SPAG16: variants seen among roughly 807,000 people sequenced by gnomAD.
The protein encoded by SPAG16 is sperm-associated antigen 16 protein.
In SPAG16, 86 loss-of-function variants were observed where a neutral mutation model predicts 80.4. That is an observed-to-expected ratio of 1.07 (90% confidence interval 0.90 to 1.28). The LOEUF (loss-of-function observed/expected upper bound fraction) is 1.28, where lower values mean the gene tolerates loss of function less well. Among genes scored for constraint, SPAG16 ranks in the 50% most tolerant of loss-of-function variants. The pLI is 0.00. For synonymous variants in SPAG16, 294 were observed against 265.9 expected (o/e 1.11, Z -1.03); for missense variants, 870 against 765.3 (o/e 1.14, Z -1.61).
chr2:214,341,806 CTTAA>C (rs1697718548), intron 15 of SPAG16, among the ~76,000 whole-genome samples: 1 of 152,128 alleles, frequency 6.6e-6, no homozygotes, highest in African/African-American at 2.4e-5. Context: ...AGAACTTCCT[CTTAA>C]TTAAACAGGA....
intron 15 of SPAG16, among the ~76,000 whole-genome samples, chr2:214,351,479 A>G (rs1698400603): frequency 6.6e-6 from 1 of 152,028 alleles, no homozygotes; most frequent in Non-Finnish European, 1.5e-5. Context: ...AGGTGGGTGG[A>G]TCACGAGGTC....
intron 9 of SPAG16, among the ~76,000 whole-genome samples, chr2:213,398,020 T>C (rs1311170070): frequency 6.6e-6 from 1 of 152,164 alleles, no homozygotes; most frequent in Admixed American, 6.5e-5. Flanking sequence ...ACACTTTAGT[T>C]ACTTAGCCAA....
At chr2:214,183,548 G>T (rs1434030443) in intron 15 of SPAG16, among the ~76,000 whole-genome samples, 1 of 151,954 alleles carries the variant, frequency 6.6e-6, no homozygotes, top group Non-Finnish European at 1.5e-5. Context: ...CTTCAATAAA[G>T]AAAGCAGAAG....
At chr2:213,781,421 T>TC (rs962325892) in intron 10 of SPAG16, among the ~76,000 whole-genome samples, 6 of 152,050 alleles carry the variant, frequency 3.9e-5, no homozygotes, top group Non-Finnish European at 5.9e-5. Context: ...CCTCTCCTAA[T>TC]CCCCCCCAGG....
chr2:214,185,808 C>CT (rs2057449359), intron 15 of SPAG16, among the ~76,000 whole-genome samples: 1 of 152,098 alleles, frequency 6.6e-6, no homozygotes, highest in African/African-American at 2.4e-5. Flanking sequence ...GACCTGACCA[C>CT]TATATCCAAA....
intron 7 of SPAG16, among the ~76,000 whole-genome samples, chr2:213,357,137 G>C (rs1338438710): frequency 2.0e-5 from 3 of 151,854 alleles, no homozygotes; most frequent in African/African-American, 7.2e-5. Flanking sequence ...GTTGTGATTT[G>C]TATTCTTTTA....
At position 213,550,708 on chromosome 2, in the gene SPAG16, T is replaced by C. The variant is rs116312121; in HGVS notation, c.1070+60618T>C. 1.6e-3 allele frequency among the ~76,000 whole-genome samples: 236 copies of C among 152,248 alleles called. 1 individual carries two copies. Among genetic ancestry groups the C allele is most frequent in the African/African-American group, 5.4e-3 (224 of 41,590 alleles). On this transcript the variant is annotated intron_variant, in intron 10 of 15. Coordinates refer to ENST00000331683, the MANE Select transcript of SPAG16 (RefSeq NM_024532.5). ...GTTACAAATATTATGTTCCAACTTT[T>C]ATATTCCTTATTTCACTTAACTGTC...
intron 10 of SPAG16, among the ~76,000 whole-genome samples, chr2:213,637,563 C>T (rs2062413293): frequency 6.6e-6 from 1 of 152,158 alleles, no homozygotes. Flanking sequence ...GTGCATTCAT[C>T]TGGTCCTGGA....
intron 10 of SPAG16, among the ~76,000 whole-genome samples, chr2:213,608,866 A>G (rs902788630): frequency 6.6e-6 from 1 of 152,136 alleles, no homozygotes; most frequent in African/African-American, 2.4e-5. Context: ...TTGCATTTTC[A>G]GTAGAGACGG....
At chr2:213,710,367 G>A (rs762473101) in intron 10 of SPAG16, among the ~76,000 whole-genome samples, 11 of 151,666 alleles carry the variant, frequency 7.3e-5, no homozygotes, top group South Asian at 2.1e-4. Flanking sequence ...AAACAATTAC[G>A]TCATGCTTTT....
chr2:213,723,120 T>G (rs1225632973), intron 10 of SPAG16, among the ~76,000 whole-genome samples: 4 of 152,158 alleles, frequency 2.6e-5, no homozygotes, highest in Non-Finnish European at 5.9e-5. Context: ...CCGGATTTTC[T>G]CCTCTCCTAT....
chr2:213,442,655 G>C (rs768596517), intron 9 of SPAG16, among the ~76,000 whole-genome samples: 2 of 152,114 alleles, frequency 1.3e-5, no homozygotes, highest in Non-Finnish European at 2.9e-5. Context: ...AGGAGAAAAA[G>C]CAATAGAAAG....
intron 15 of SPAG16, among the ~76,000 whole-genome samples, chr2:214,370,580 G>A (rs1699750176): frequency 6.6e-6 from 1 of 152,184 alleles, no homozygotes; most frequent in African/African-American, 2.4e-5. Context: ...GAGAGTGTGT[G>A]TGGTGAGAAC....
intron 10 of SPAG16, among the ~76,000 whole-genome samples, chr2:213,550,908 T>C (rs1305002378): frequency 6.6e-6 from 1 of 152,042 alleles, no homozygotes; most frequent in East Asian, 1.9e-4. Context: ...TATGCATATT[T>C]TAAATTTTCT....
intron 13 of SPAG16, among the ~76,000 whole-genome samples, chr2:214,062,408 G>A (rs1348221479): frequency 6.4e-5 from 7 of 109,302 alleles, no homozygotes; most frequent in East Asian, 2.7e-4. Context: ...GGCAGAGCAC[G>A]ACTCTGACTC....
intron 10 of SPAG16, among the ~76,000 whole-genome samples, chr2:213,518,942 C>A (rs973626021): frequency 6.6e-6 from 1 of 152,158 alleles, no homozygotes; most frequent in East Asian, 1.9e-4. Context: ...GAGCTGGAGG[C>A]TATAATCCTA....
intron 10 of SPAG16, among the ~76,000 whole-genome samples, chr2:213,720,491 A>G (rs2066467971): frequency 7.1e-6 from 1 of 141,682 alleles, no homozygotes; most frequent in Non-Finnish European, 1.5e-5. Context: ...AAAAAAAATT[A>G]GCTGGGCATG....
At chr2:214,023,755 C>G (rs1015970) in intron 13 of SPAG16, among the ~76,000 whole-genome samples, 110,672 of 151,508 alleles carry the variant, frequency 0.73, 41,181 homozygotes, top group East Asian at 0.92. Context: ...GCATACACAT[C>G]ACAAATATCA....
chr2:214,368,892 A>C (rs147555661), intron 15 of SPAG16, among the ~76,000 whole-genome samples: 1,737 of 152,146 alleles, frequency 0.011, 21 homozygotes, highest in Middle Eastern at 0.041. Flanking sequence ...ACAATTCTTT[A>C]TCACCTCTAC....
Sources: allele counts gnomAD v4.1 joint callset (sites outside exome capture counted in the v4.1 genomes callset), GRCh38; gene constraint gnomAD v4.1.1; transcripts MANE v1.5; gene names NCBI Gene and HGNC (gene_info 2026-07-23, HGNC 2026-07-21).